The following SPG11 variants were observed in gnomAD, a reference collection of about 807,000 sequenced individuals.
SPG11 encodes the protein SPG11 vesicle trafficking associated, spatacsin, also known as spatacsin.
Under a neutral mutation model 274.0 loss-of-function variants are expected in SPG11, and 222 were observed. That is an observed-to-expected ratio of 0.81 (90% CI 0.73 to 0.91). The LOEUF (loss-of-function observed/expected upper bound fraction) is 0.91. Ranked by LOEUF, SPG11 falls within the 40% of genes least tolerant of loss-of-function variation. SPG11 has a pLI of 0.00. For synonymous variants in SPG11, 1,144 were observed against 1,039.7 expected (o/e 1.10, Z -1.93); for missense variants, 3,114 against 2,872.7 (o/e 1.08, Z -1.92).
intron 8 of SPG11, among the ~76,000 whole-genome samples, chr15:44,632,084 C>T (rs2084082135): frequency 6.6e-6 from 1 of 151,948 alleles, no homozygotes; most frequent in Admixed American, 6.6e-5. Flanking sequence ...GCTGGAATTA[C>T]AGCCATGAGC....
At chr15:44,571,105 T>A (rs936433817) in intron 33 of SPG11, among the ~76,000 whole-genome samples, 4 of 152,150 alleles carry the variant, frequency 2.6e-5, no homozygotes, top group African/African-American at 9.7e-5. Flanking sequence ...TGTACAGATT[T>A]AAAAATACTA....
chr15:44,645,640 G>A (rs886622970), intron 7 of SPG11, among the ~76,000 whole-genome samples: 11 of 152,080 alleles, frequency 7.2e-5, no homozygotes, highest in Admixed American at 1.3e-4. Flanking sequence ...AAACTAAAGA[G>A]CTTCTGCAAA....
intron 30 of SPG11, among the ~76,000 whole-genome samples, chr15:44,578,007 G>A (rs2082576827): frequency 6.6e-6 from 1 of 151,378 alleles, no homozygotes. Context: ...TCAGAAAGGG[G>A]AGCCTTCTTT....
chr15:44,632,325 C>G (rs1364108209), intron 8 of SPG11, among the ~76,000 whole-genome samples: 1 of 152,050 alleles, frequency 6.6e-6, no homozygotes, highest in East Asian at 1.9e-4. Flanking sequence ...CAGCTCACAC[C>G]AAAACAATGG....
chr15:44,588,788 C>T (rs984248048), intron 28 of SPG11: 5 of 284,076 alleles, frequency 1.8e-5, no homozygotes, highest in Non-Finnish European at 2.8e-5. Flanking sequence ...TGTTAATTAC[C>T]GTCTAATGGT....
At chr15:44,566,039 G>T (rs757393700) in intron 37 of SPG11, 30 bp from the exon 38 acceptor site, 1 of 1,612,942 alleles carries the variant, frequency 6.2e-7, no homozygotes, top group Admixed American at 1.7e-5. Context: ...AGGCACAGTA[G>T]AGAAAGACCT....
intron 1 of SPG11, 129 bp from the exon 2 acceptor site, chr15:44,660,745 A>G (rs776039062): frequency 2.4e-6 from 2 of 846,674 alleles, no homozygotes; most frequent in East Asian, 2.7e-5. Context: ...CTACACTTCA[A>G]TCTAAGAGAA....
intron 7 of SPG11, among the ~76,000 whole-genome samples, chr15:44,647,889 G>A (rs1445177712): frequency 6.6e-6 from 1 of 152,156 alleles, no homozygotes. Flanking sequence ...TTAAAAGGGT[G>A]AATTTTATGG....
intron 7 of SPG11, among the ~76,000 whole-genome samples, chr15:44,648,096 AC>A (rs1448957581): frequency 1.3e-5 from 2 of 152,316 alleles, no homozygotes; most frequent in East Asian, 3.9e-4. Flanking sequence ...AAGAATATAA[AC>A]AACCCAATCT....
intron 19 of SPG11, among the ~76,000 whole-genome samples, chr15:44,607,678 T>TAA: frequency 6.6e-6 from 1 of 152,296 alleles, no homozygotes; most frequent in African/African-American, 2.4e-5. Flanking sequence ...AAGGAAGGTG[T>TAA]TCTTAACCGA....
At chr15:44,569,876 CTGGCTAA>C (rs889607985) in intron 34 of SPG11, among the ~76,000 whole-genome samples, 6 of 152,130 alleles carry the variant, frequency 3.9e-5, no homozygotes, top group Non-Finnish European at 8.8e-5. Flanking sequence ...GCCACCATGC[CTGGCTAA>C]TTTTTGTAGA....
At position 44,573,124 on chromosome 15, in the gene SPG11, C is replaced by T. The variant is rs576965659; in HGVS notation, c.6206-304G>A. Among the ~76,000 whole-genome samples, 3 of 151,478 alleles carry T rather than the reference C, an allele frequency of 2.0e-5. No homozygotes were observed. The East Asian group carries it at 5.9e-4, about 30-fold the overall frequency. Reference sequence around the variant, plus strand: ...GCCTCAGCCTCCTGAGTAGCTGGGACTACAGGTGCCCGCCAACACGCCCGG... The same window carrying T: ...GCCTCAGCCTCCTGAGTAGCTGGGATTACAGGTGCCCGCCAACACGCCCGG... On this transcript the variant is annotated intron_variant, in intron 32 of 39. Transcript: ENST00000261866.
chr15:44,628,750 T>C lies in SPG11; in HGVS notation c.1986A>G (p.Thr662=). 1 of 1,613,760 alleles carries C rather than the reference T, an allele frequency of 6.2e-7. No homozygotes were observed. ...TFMIKFPWKL[T]DAIDEYDVHE... is the part of the protein sequence containing the mutation. Reference sequence around the variant, plus strand: ...GTACATCATATTCATCTATAGCATCTGTTAGCTTCCAAGGAAACTTTATCA... The same window carrying C: ...GTACATCATATTCATCTATAGCATCCGTTAGCTTCCAAGGAAACTTTATCA... The change falls in exon 10 of 40, where the codon ACA becomes ACG. Residue 662 remains threonine (T), a synonymous_variant. Coordinates refer to ENST00000261866, the MANE Select transcript of SPG11 (RefSeq NM_025137.4).
At chr15:44,628,590 T>C in intron 10 of SPG11, 79 bp downstream of exon 10, 1 of 1,324,100 alleles carries the variant, frequency 7.6e-7, no homozygotes, top group Non-Finnish European at 1.1e-6. Flanking sequence ...ATATAGAGTC[T>C]GAATTCTGTT....
intron 9 of SPG11, 33 bp downstream of exon 9, chr15:44,629,200 T>C (rs1001537875): frequency 3.1e-6 from 5 of 1,609,458 alleles, no homozygotes; most frequent in East Asian, 2.2e-5. Context: ...ACAGGAACAG[T>C]AGAATTGCCC....
intron 39 of SPG11, among the ~76,000 whole-genome samples, chr15:44,564,341 A>G (rs1404372491): frequency 6.6e-6 from 1 of 152,214 alleles, no homozygotes; most frequent in African/African-American, 2.4e-5. Context: ...ATTTTAAAGT[A>G]CAAAGCACTA....
intron 39 of SPG11, 69 bp from the exon 40 acceptor site, chr15:44,563,370 ACT>A (rs772146298): frequency 4.1e-6 from 6 of 1,447,960 alleles, no homozygotes; most frequent in Non-Finnish European, 5.8e-6. Context: ...AGACAGTCTT[ACT>A]CTGTTGCCCA....
At chr15:44,583,774 G>A (rs1419459123) in intron 30 of SPG11, 40 bp downstream of exon 30, 4 of 1,613,420 alleles carry the variant, frequency 2.5e-6, no homozygotes, top group Non-Finnish European at 8.5e-7. Flanking sequence ...TGCTAACAGT[G>A]CCATTTAAGA....
intron 22 of SPG11, 101 bp from the exon 23 acceptor site, chr15:44,598,474 T>A: frequency 7.7e-7 from 1 of 1,291,744 alleles, no homozygotes; most frequent in Non-Finnish European, 1.1e-6. Context: ...AGAACCCAAT[T>A]AAAGTGCCCA....
Sources: gnomAD v4.1 joint callset for allele counts (sites outside exome capture counted in the v4.1 genomes callset) on GRCh38, gnomAD v4.1.1 for gene constraint, MANE v1.5 for transcripts, NCBI Gene and HGNC (gene_info 2026-07-23, HGNC 2026-07-21) for gene names.